ZNF485: variants seen among roughly 807,000 people sequenced by gnomAD.
ZNF485 encodes zinc finger protein 485, also known as Zinc finger protein 93 (Zinc finger protein HTF34).
Under a neutral mutation model 10.8 loss-of-function variants are expected in ZNF485, and 9 were observed. The observed-to-expected ratio is 0.83, with a 90% CI of 0.50 to 1.45. The LOEUF (loss-of-function observed/expected upper bound fraction) is 1.45. Among genes scored for constraint, ZNF485 ranks in the 40% most tolerant of loss-of-function variants. The probability of loss-of-function intolerance (pLI) is 0.00; values close to 1 mark genes in which losing one functional copy is unlikely to be tolerated. For synonymous variants in ZNF485, 187 were observed against 181.0 expected, an observed-to-expected ratio of 1.03 and a Z score of -0.27; for missense variants, 487 against 528.0, an observed-to-expected ratio of 0.92 and a Z score of 0.76.
At chr10:43,612,788 A>C (rs945307761) in intron 4 of ZNF485, among the ~76,000 whole-genome samples, 4 of 151,916 alleles carry the variant, frequency 2.6e-5, no homozygotes, top group Admixed American at 1.3e-4. Context: ...GAACAAAAGC[A>C]TTTGGATGTA....
chr10:43,610,584 A>G (rs1258952198), intron 4 of ZNF485, among the ~76,000 whole-genome samples: 1 of 152,152 alleles, frequency 6.6e-6, no homozygotes, highest in Non-Finnish European at 1.5e-5. Context: ...TTTCTGTTTT[A>G]ATTTTGGTTG....
intron 4 of ZNF485, among the ~76,000 whole-genome samples, chr10:43,613,382 C>G (rs1838801227): frequency 6.6e-6 from 1 of 152,202 alleles, no homozygotes; most frequent in South Asian, 2.1e-4. Context: ...AACATGTTTT[C>G]AAATTCATTT....
At chr10:43,608,549 T>TTCCTTCTCTTGGGATGCC in intron 2 of ZNF485, 65 bp from the exon 3 acceptor site, 1 of 1,545,500 alleles carries the variant, frequency 6.5e-7, no homozygotes, top group South Asian at 1.2e-5. Flanking sequence ...ACCACCTTGC[T>TTCCTTCTCTTGGGATGCC]TCCTTCTCTT....
chr10:43,616,296 G>T lies in ZNF485; in HGVS notation c.253G>T (p.Asp85Tyr). ...EAPSGTHAVE[D>Y]YWFETKMSAL... ...TTTTTAAAATTTTCTTTCAGTCGAG[G>T]ATTACTGGTTTGAAACAAAGATGTC... Residue 85 changes from aspartate (D) to tyrosine (Y), a missense_variant, in exon 5 of 5, where the codon GAT (aspartate) becomes TAT (tyrosine). Transcript: ENST00000361807. 2.6e-6 allele frequency: 4 copies of T among 1,558,572 alleles called. No individual in the cohort carries two copies. The highest frequency in any genetic ancestry group is 1.4e-5 in the African/African-American group (1 of 72,160).
chr10:43,608,008 G>T (rs1180815397), intron 2 of ZNF485, among the ~76,000 whole-genome samples: 1 of 152,112 alleles, frequency 6.6e-6, no homozygotes, highest in Non-Finnish European at 1.5e-5. Flanking sequence ...ACCGTGGCTG[G>T]TACATAGTAA....
In ZNF485 at chr10:43,607,039, T is replaced by C. The variant is rs1289324153; in HGVS notation, c.-12T>C. On this transcript the variant is annotated 5_prime_UTR_variant, in exon 2 of 5. Coordinates refer to ENST00000361807, the MANE Select transcript of ZNF485 (RefSeq NM_145312.4). Reference sequence around the variant, plus strand: ...TCTCAGCCCTTGCCTGGGAGAACAGTTCAGGAGACAGATGGCCCCAAGAGC... The same window carrying C: ...TCTCAGCCCTTGCCTGGGAGAACAGCTCAGGAGACAGATGGCCCCAAGAGC... 3 of 1,551,854 alleles carry C rather than the reference T, an allele frequency of 1.9e-6. No individual in the cohort carries two copies. The highest frequency in any genetic ancestry group is 4.9e-5 in the East Asian group (2 of 40,908).
chr10:43,609,212 A>ATTTT, intron 3 of ZNF485, 43 bp from the exon 4 acceptor site: 5 of 1,348,694 alleles, frequency 3.7e-6, no homozygotes, highest in East Asian at 2.5e-5. Context: ...CTTTTCATTC[A>ATTTT]TTTTTTTTTT....
In ZNF485 at chr10:43,613,109, A is replaced by T. The variant is rs558007305; in HGVS notation, c.248-3182A>T. Among the ~76,000 whole-genome samples, 3 of 152,282 alleles carry T rather than the reference A, an allele frequency of 2.0e-5. No individual in the cohort carries two copies. In the East Asian group the frequency reaches 5.8e-4, roughly 29 times the overall value. The stretch of plus-strand genomic sequence containing the variant: ...AGACTCTCCTTTTCTTAAAGCCTTT[A>T]AAAAAATTAACACATATATAGAAAA... On this transcript the variant is annotated intron_variant, in intron 4 of 4. Coordinates refer to ENST00000361807, the MANE Select transcript of ZNF485 (RefSeq NM_145312.4).
At position 43,617,018 on chromosome 10, in the gene ZNF485, C is replaced by G; in HGVS notation, c.975C>G (p.Pro325=). Residue 325 remains proline (P), a synonymous_variant, in exon 5 of 5, where the codon CCC becomes CCG. Coordinates refer to ENST00000361807, the MANE Select transcript of ZNF485 (RefSeq NM_145312.4). ...AAAGAATGCATACTGGGGAGAAACC[C>G]TATCACTGCAGTAAATGTGGAAAAT... The part of the protein sequence containing the change: ...SHQRMHTGEK[P]YHCSKCGKSF... The G allele has an allele frequency of 1.9e-6, 3 of 1,614,164 alleles. No homozygotes were observed. The highest frequency in any genetic ancestry group is 1.7e-6 in the Non-Finnish European group (2 of 1,180,046).
chr10:43,609,499 GC>G, intron 4 of ZNF485, 149 bp downstream of exon 4: 1 of 602,672 alleles, frequency 1.7e-6, no homozygotes, highest in Admixed American at 3.0e-5. Context: ...GTGGCTGGCC[GC>G]TTTTCTCCCC....
At chr10:43,608,774 T>C in intron 3 of ZNF485, 34 bp downstream of exon 3, 1 of 1,604,020 alleles carries the variant, frequency 6.2e-7, no homozygotes, top group South Asian at 1.1e-5. Context: ...TCAGGATTGG[T>C]CTGCTGGGCA....
chr10:43,616,361 A>G lies in ZNF485; in HGVS notation c.318A>G (p.Gly106=), dbSNP rs777570721. 48 of 1,613,998 alleles carry G rather than the reference A, an allele frequency of 3.0e-5. No homozygotes were observed. The highest frequency in any genetic ancestry group is 4.0e-5 in the Non-Finnish European group (47 of 1,179,952). ...GCACTTCTGAAGCATCTGTTCTGGGAGAGCGAACGAAAAGTGTCATGATGG... is the reference window on the plus strand; with the variant it reads ...GCACTTCTGAAGCATCTGTTCTGGGGGAGCGAACGAAAAGTGTCATGATGG... ...KQSTSEASVL[G]ERTKSVMMEK... Residue 106 remains glycine (G), a synonymous_variant, in exon 5 of 5, where the codon GGA becomes GGG. Coordinates refer to ENST00000361807, the MANE Select transcript of ZNF485 (RefSeq NM_145312.4).
intron 4 of ZNF485, among the ~76,000 whole-genome samples, chr10:43,612,438 G>T (rs1467132122): frequency 7.2e-5 from 11 of 152,030 alleles, no homozygotes; most frequent in Non-Finnish European, 1.3e-4. Context: ...CATGATAGCT[G>T]TTCCCTAAAG....
chr10:43,608,526 G>T (rs1838699204), intron 2 of ZNF485, 88 bp from the exon 3 acceptor site: 1 of 1,504,466 alleles, frequency 6.6e-7, no homozygotes, highest in East Asian at 2.5e-5. Flanking sequence ...GGAACTGTCA[G>T]AAGCTGGCTT....
chr10:43,611,621 T>C (rs1838770227), intron 4 of ZNF485, among the ~76,000 whole-genome samples: 1 of 152,220 alleles, frequency 6.6e-6, no homozygotes, highest in Non-Finnish European at 1.5e-5. Flanking sequence ...TTTATACTCC[T>C]AATGACAACA....
chr10:43,616,910 G>C lies in ZNF485; in HGVS notation c.867G>C (p.Gln289His). 6.2e-7 allele frequency: 1 copy of C among 1,614,098 alleles called. No homozygotes were observed. The highest frequency in any genetic ancestry group is 8.5e-7 in the Non-Finnish European group (1 of 1,180,034). Reference protein sequence around the residue: ...FRDNSTVLEHQKIHTGEKPYQ... With the variant: ...FRDNSTVLEHHKIHTGEKPYQ... ...ATAATTCAACTGTGTTGGAACATCA[G>C]AAAATCCATACTGGTGAGAAGCCAT... The change falls in exon 5 of 5, where the codon CAG becomes CAC. Residue 289 changes from glutamine to histidine, a missense_variant. Gln to His is a conservative substitution (Grantham distance 24, BLOSUM62 0). Coordinates refer to ENST00000361807, the MANE Select transcript of ZNF485 (RefSeq NM_145312.4).
rs752995843 is a variant in ZNF485 at position 43,616,895 on chromosome 10, T to C, written c.852T>C (p.Thr284=). ...GGAGAGCTTTCAGGGATAATTCAAC[T>C]GTGTTGGAACATCAGAAAATCCATA... is the stretch of plus-strand genomic sequence containing the variant. ...KCGRAFRDNS[T]VLEHQKIHTG... is the part of the protein sequence containing the mutation. Residue 284 remains threonine (T), a synonymous_variant, in exon 5 of 5, where the codon ACT becomes ACC. Coordinates refer to ENST00000361807, the MANE Select transcript of ZNF485 (RefSeq NM_145312.4). 4.3e-6 allele frequency: 7 copies of C among 1,613,990 alleles called. No individual in the cohort carries two copies. The East Asian group carries it at 1.6e-4, about 36-fold the overall frequency.
intron 4 of ZNF485, among the ~76,000 whole-genome samples, chr10:43,612,362 T>C (rs181226343): frequency 6.6e-6 from 1 of 152,362 alleles, no homozygotes; most frequent in East Asian, 1.9e-4. Context: ...ATTTTAATTT[T>C]GTAATACTTT....
intron 1 of ZNF485, 92 bp from the exon 2 acceptor site, chr10:43,606,905 G>A (rs1304455867): frequency 1.2e-5 from 11 of 932,686 alleles, no homozygotes; most frequent in Non-Finnish European, 1.8e-5. Flanking sequence ...ACCTGTGGAG[G>A]GAACGGGCGG....
Sources: allele counts gnomAD v4.1 joint callset (sites outside exome capture counted in the v4.1 genomes callset), GRCh38; gene constraint gnomAD v4.1.1; transcripts MANE v1.5; gene names NCBI Gene and HGNC (gene_info 2026-07-23, HGNC 2026-07-21).